SPIDR: variants seen among roughly 807,000 people sequenced by gnomAD.
SPIDR encodes the protein scaffold protein involved in DNA repair.
A neutral mutation model predicts 104.6 loss-of-function variants in SPIDR; 93 were observed. That is an observed-to-expected ratio of 0.89 (90% CI 0.75 to 1.06). The LOEUF (loss-of-function observed/expected upper bound fraction) is 1.06. Ranked by LOEUF, SPIDR falls within the 50% of genes least tolerant of loss-of-function variation. The probability of loss-of-function intolerance (pLI) is 0.00; values close to 1 mark genes in which losing one functional copy is unlikely to be tolerated. For missense variants in SPIDR, 1,154 were observed against 1,111.2 expected, an observed-to-expected ratio of 1.04 and a Z score of -0.55; for synonymous variants, 431 against 416.9, an observed-to-expected ratio of 1.03 and a Z score of -0.41.
intron 5 of SPIDR, among the ~76,000 whole-genome samples, chr8:47,358,927 A>G (rs1331455222): frequency 6.6e-6 from 1 of 152,132 alleles, no homozygotes; most frequent in Non-Finnish European, 1.5e-5. Flanking sequence ...CTGTGATCAC[A>G]TAAATTTCTG....
intron 10 of SPIDR, among the ~76,000 whole-genome samples, chr8:47,660,133 C>G (rs1018858251): frequency 2.0e-5 from 3 of 152,170 alleles, no homozygotes; most frequent in Admixed American, 6.5e-5. Context: ...AAATTGTACT[C>G]CCACAACTTC....
At chr8:47,472,972 CG>C (rs2075894642) in intron 8 of SPIDR, among the ~76,000 whole-genome samples, 1 of 152,124 alleles carries the variant, frequency 6.6e-6, no homozygotes, top group Non-Finnish European at 1.5e-5. Context: ...TTCTGGGGGT[CG>C]GGTGTTAACC....
At chr8:47,410,416 G>C (rs1234351767) in intron 7 of SPIDR, among the ~76,000 whole-genome samples, 1 of 151,848 alleles carries the variant, frequency 6.6e-6, no homozygotes, top group Non-Finnish European at 1.5e-5. Context: ...CCTGACCTCA[G>C]GTGACGCACC....
At chr8:47,424,107 T>G (rs2066024737) in intron 7 of SPIDR, among the ~76,000 whole-genome samples, 1 of 152,120 alleles carries the variant, frequency 6.6e-6, no homozygotes, top group Non-Finnish European at 1.5e-5. Flanking sequence ...AGATTTACAT[T>G]GGGCAGCCTA....
At chr8:47,532,038 A>C (rs1047840575) in intron 8 of SPIDR, among the ~76,000 whole-genome samples, 1 of 151,844 alleles carries the variant, frequency 6.6e-6, no homozygotes, top group African/African-American at 2.4e-5. Flanking sequence ...CTGAACTCTA[A>C]TTAAAAGACA....
At chr8:47,633,558 G>GA (rs113678854) in intron 10 of SPIDR, among the ~76,000 whole-genome samples, 76,052 of 134,100 alleles carry the variant, frequency 0.57, 21,353 homozygotes, top group East Asian at 0.76. Flanking sequence ...GCAAATGATT[G>GA]AAAAAAAAAA....
intron 5 of SPIDR, among the ~76,000 whole-genome samples, chr8:47,351,556 T>G (rs1563711118): frequency 6.6e-6 from 1 of 152,162 alleles, no homozygotes; most frequent in Non-Finnish European, 1.5e-5. Flanking sequence ...TGAACACAAG[T>G]TAAACAAAAT....
At chr8:47,364,997 C>G (rs781977361) in intron 5 of SPIDR, among the ~76,000 whole-genome samples, 1 of 152,238 alleles carries the variant, frequency 6.6e-6, no homozygotes, top group Non-Finnish European at 1.5e-5. Flanking sequence ...ACTTGTGCTT[C>G]TCTGTGCATG....
intron 8 of SPIDR, among the ~76,000 whole-genome samples, chr8:47,497,793 G>A (rs2079679115): frequency 6.6e-6 from 1 of 152,160 alleles, no homozygotes; most frequent in Admixed American, 6.5e-5. Context: ...GTGTTTTAGA[G>A]GGCTTGGAGT....
chr8:47,360,990 C>T (rs2055777878), intron 5 of SPIDR: 4 of 982,896 alleles, frequency 4.1e-6, no homozygotes, highest in South Asian at 4.7e-5. Context: ...AAAAAATGCT[C>T]ATGATTTTTT....
At chr8:47,300,134 T>C (rs947942252) in intron 5 of SPIDR, among the ~76,000 whole-genome samples, 1 of 152,212 alleles carries the variant, frequency 6.6e-6, no homozygotes, top group Non-Finnish European at 1.5e-5. Context: ...TCAGAGCCTG[T>C]TATTGGTCCA....
intron 8 of SPIDR, among the ~76,000 whole-genome samples, chr8:47,590,185 A>T (rs1288051854): frequency 6.6e-6 from 1 of 152,078 alleles, no homozygotes; most frequent in Non-Finnish European, 1.5e-5. Context: ...AAAAAAAAAA[A>T]AAAAATTATT....
chr8:47,390,016 G>T (rs1159345611), intron 5 of SPIDR, among the ~76,000 whole-genome samples: 1 of 152,202 alleles, frequency 6.6e-6, no homozygotes, highest in African/African-American at 2.4e-5. Context: ...CAATTAACAA[G>T]TGCAAAGAGG....
intron 5 of SPIDR, among the ~76,000 whole-genome samples, chr8:47,382,349 A>T (rs1189642792): frequency 1.3e-5 from 2 of 152,246 alleles, no homozygotes; most frequent in Non-Finnish European, 2.9e-5. Context: ...ACAGGAAGTA[A>T]CATTAGCTTA....
At chr8:47,446,191 A>ACAGC (rs1165759111) in intron 8 of SPIDR, among the ~76,000 whole-genome samples, 2 of 152,240 alleles carry the variant, frequency 1.3e-5, no homozygotes, top group African/African-American at 4.8e-5. Flanking sequence ...TGACTCTTTT[A>ACAGC]TTAAGGTCTA....
rs867454061 is a variant in SPIDR at position 47,495,177 on chromosome 8, C to T, written c.1097+54635C>T. Among the ~76,000 whole-genome samples the T allele has an allele frequency of 1.9e-4, 29 of 152,138 alleles. 1 individual carries two copies. The highest frequency in any genetic ancestry group is 2.4e-4 in the Non-Finnish European group (16 of 67,994). ...CCAAGAACATGCATTTTAACCACAG[C>T]ACCCTTCTATTGCATAGTGCACATG... On this transcript the variant is annotated intron_variant, in intron 8 of 19. Coordinates refer to ENST00000297423, the MANE Select transcript of SPIDR (RefSeq NM_001080394.4).
At chr8:47,393,176 C>T (rs1243722235) in intron 5 of SPIDR, among the ~76,000 whole-genome samples, 3 of 152,220 alleles carry the variant, frequency 2.0e-5, no homozygotes, top group Non-Finnish European at 4.4e-5. Context: ...CATAGGCACA[C>T]AACATTCACA....
chr8:47,476,001 T>C (rs1554723595), intron 8 of SPIDR, among the ~76,000 whole-genome samples: 2 of 152,224 alleles, frequency 1.3e-5, no homozygotes, highest in Non-Finnish European at 1.5e-5. Flanking sequence ...GATTTACCTC[T>C]TTGAGGTTTT....
chr8:47,687,898 AC>A (rs1044370615), intron 11 of SPIDR, among the ~76,000 whole-genome samples: 9 of 152,070 alleles, frequency 5.9e-5, no homozygotes, highest in African/African-American at 2.2e-4. Flanking sequence ...CCTTATCTCT[AC>A]AAAAAGTAAA....
Sources: gnomAD v4.1 joint callset for allele counts (sites outside exome capture counted in the v4.1 genomes callset) on GRCh38, gnomAD v4.1.1 for gene constraint, MANE v1.5 for transcripts, NCBI Gene and HGNC (gene_info 2026-07-23, HGNC 2026-07-21) for gene names.